Variants in KCND1 observed in about 807,000 individuals in gnomAD.
KCND1 encodes A-type voltage-gated potassium channel KCND1.
Under a neutral mutation model 31.8 loss-of-function variants are expected in KCND1, and 11 were observed. The ratio of observed to expected loss-of-function variants is 0.35; its 90% CI spans 0.22 to 0.57. The LOEUF (loss-of-function observed/expected upper bound fraction) is 0.57. Among genes scored for constraint, KCND1 ranks in the 20% least tolerant of loss-of-function variants. The pLI, the probability that KCND1 is intolerant of heterozygous loss-of-function variation, is 0.85. For synonymous variants in KCND1, 234 were observed against 248.1 expected (o/e 0.94, Z 0.53); for missense variants, 471 against 596.8 (o/e 0.79, Z 2.20).
At position 48,966,489 on chromosome X, in the gene KCND1, G is replaced by T. The variant is rs781854422; in HGVS notation, c.1467+89C>A. ...AAGCTCTGTGTGATTTCCACAATTT[G>T]TAGTGAGCCTCCCATCCAAGGGAGA... is the stretch of plus-strand genomic sequence containing the variant. On this transcript the variant is annotated intron_variant, in intron 4 of 5. Transcript: ENST00000218176. 88 of 1,020,599 alleles carry T rather than the reference G, an allele frequency of 8.6e-5. No individual in the cohort carries two copies. The South Asian group carries it at 1.8e-3, about 21-fold the overall frequency. The allele number at this position is 1,020,599 out of a possible 1,213,427, so 84.1% of individuals were successfully genotyped here.
intron 5 of KCND1, among the ~76,000 whole-genome samples, chrX:48,964,761 C>T (rs782314248): frequency 3.9e-5 from 4 of 103,264 alleles, no homozygotes; most frequent in Non-Finnish European, 3.9e-5. Context: ...CGGTGGCTCA[C>T]GCCTGTAATC....
intron 1 of KCND1, chrX:48,968,474 T>A (rs1303290974): frequency 8.9e-6 from 1 of 111,881 alleles, no homozygotes; most frequent in Non-Finnish European, 1.9e-5. Flanking sequence ...AAAAAGGTGC[T>A]AGAAAGCCAA....
rs2064325886 is a variant in KCND1, at chrX:48,962,448, C to T, written c.*133G>A. On this transcript the variant is annotated 3_prime_UTR_variant, in exon 6 of 6. Coordinates refer to ENST00000218176, the MANE Select transcript of KCND1 (RefSeq NM_004979.6). ...CCACTATGTGGACCATTTCATGAAA[C>T]TCCATTGCATAGTTCTCAGTGGGGG... 6 of 459,472 alleles carry T rather than the reference C, an allele frequency of 1.3e-5. No individual in the cohort carries two copies. Among genetic ancestry groups the T allele is most frequent in the Non-Finnish European group, 2.3e-5 (6 of 265,237 alleles). The allele number at this position is 459,472 out of a possible 1,213,427, so 37.9% of individuals were successfully genotyped here.
chrX:48,970,218 G>A lies in KCND1; in HGVS notation c.54C>T (p.Gly18=). 1.7e-6 allele frequency: 2 copies of A among 1,205,484 alleles called. No individual in the cohort carries two copies. Among genetic ancestry groups the A allele is most frequent in the Non-Finnish European group, 2.2e-6 (2 of 892,359 alleles). Reference sequence around the variant, plus strand: ...GGGGTTGCTGGGCCAGGGGCAGCCAGCCCACTGCTGCTGCCCGAGCAAAAG... The same window carrying A: ...GGGGTTGCTGGGCCAGGGGCAGCCAACCCACTGCTGCTGCCCGAGCAAAAG... ...WLPFARAAAV[G]WLPLAQQPLP... is the part of the protein sequence containing the mutation. The change falls in exon 1 of 6, where the codon GGC becomes GGT. Residue 18 remains glycine (G), a synonymous_variant. Transcript: ENST00000218176.
In KCND1 at chrX:48,966,132, G is replaced by A; in HGVS notation, c.1641C>T (p.Ser547=). 1.7e-6 allele frequency: 2 copies of A among 1,210,996 alleles called. No individual in the cohort carries two copies. The highest frequency in any genetic ancestry group is 3.5e-5 in the South Asian group (2 of 56,935). ...TGCTGCCACGGCTGACTGAGGCAGT[G>A]GAGTTGGCAAGGCGGATGGCGCGGC... The part of the protein sequence containing the change: ...AKRRAIRLAN[S]TASVSRGSMQ... The change falls in exon 5 of 6, where the codon TCC becomes TCT. Residue 547 remains serine (S), a synonymous_variant. Coordinates refer to ENST00000218176, the MANE Select transcript of KCND1 (RefSeq NM_004979.6).
intron 1 of KCND1, among the ~76,000 whole-genome samples, chrX:48,968,810 T>C (rs2064367220): frequency 8.9e-6 from 1 of 112,042 alleles, no homozygotes; most frequent in African/African-American, 3.2e-5. Flanking sequence ...TCCCGGCACT[T>C]TGGGCGGCCA....
rs782570848 is a variant in KCND1 at position 48,969,819 on chromosome X, C to T, written c.453G>A (p.Glu151=). 2 of 1,208,445 alleles carry T rather than the reference C, an allele frequency of 1.7e-6. No homozygotes were observed. The highest frequency in any genetic ancestry group is 3.5e-5 in the African/African-American group (2 of 57,542). Residue 151 remains glutamate, a synonymous_variant, in exon 1 of 6, where the codon GAG becomes GAA. Transcript: ENST00000218176. ...GGCCGTCCCCGGCCTGCTCTGCCTCCTCATCCTCTGCCAGGCGCTCGGCAT... is the reference window on the plus strand; with the variant it reads ...GGCCGTCCCCGGCCTGCTCTGCCTCTTCATCCTCTGCCAGGCGCTCGGCAT... The part of the protein sequence containing the change: ...KENAERLAED[E]EAEQAGDGPA...
rs200634375 is a variant in KCND1, at chrX:48,966,302, G to A, written c.1471C>T (p.His491Tyr). 1.7e-6 allele frequency: 2 copies of A among 1,178,104 alleles called. No individual in the cohort carries two copies. Among genetic ancestry groups the A allele is most frequent in the African/African-American group, 1.7e-5 (1 of 57,392 alleles). Residue 491 changes from histidine to tyrosine, a missense_variant, in exon 5 of 6, where the codon CAT becomes TAT. His to Tyr is a moderately conservative substitution (Grantham distance 83). This residue lies in a region of KCND1 where 185 missense variants were observed against 184.7 expected (regional missense o/e 1.00). Transcript: ENST00000218176. Reference sequence around the variant, plus strand: ...AAGGTGAGCTCATCTGTGAACTCATGGCACTATGGGCAGAAGGGAGGCAGG... The same window carrying A: ...AAGGTGAGCTCATCTGTGAACTCATAGCACTATGGGCAGAAGGGAGGCAGG... ...LLHCLEKTTCHEFTDELTFSE... is the reference protein window; with the variant it reads ...LLHCLEKTTCYEFTDELTFSE...
rs965834180 is a variant in KCND1, at chrX:48,967,636, G to C, written c.1122-530C>G. ...CCACCTCCCACAGAGACAGAGCAGAGCCAACCTTACTAACTTGTTCACAGA... is the reference window on the plus strand; with the variant it reads ...CCACCTCCCACAGAGACAGAGCAGACCCAACCTTACTAACTTGTTCACAGA... On this transcript the variant is annotated intron_variant, in intron 1 of 5. Coordinates refer to ENST00000218176, the MANE Select transcript of KCND1 (RefSeq NM_004979.6). The C allele has an allele frequency of 1.1e-4, 12 of 112,744 alleles. 1 individual carries two copies. The highest frequency in any genetic ancestry group is 1.0e-3 in the Admixed American group (11 of 11,054). The allele number at this position is 112,744 out of a possible 1,213,427, so 9.3% of individuals were successfully genotyped here. A position where few individuals can be genotyped will look rare whatever the true frequency, so the allele number is the denominator to read the frequency against.
Position 48,969,873 on chromosome X carries a change from A to G in KCND1, c.399T>C (p.Leu133=). 1.7e-6 allele frequency: 2 copies of G among 1,211,297 alleles called. No homozygotes were observed. The highest frequency in any genetic ancestry group is 3.5e-5 in the African/African-American group (2 of 57,833). The change falls in exon 1 of 6, where the codon CTT becomes CTC. Residue 133 remains leucine (L), a synonymous_variant. Coordinates refer to ENST00000218176, the MANE Select transcript of KCND1 (RefSeq NM_004979.6). ...CCTTCTTTCGGTCCCGATACTCTTC[A>G]AGGCAGCAGTCACCGACTAGCTCGG... ...LVPELVGDCC[L]EEYRDRKKEN...
chrX:48,970,265 C>T lies in KCND1; in HGVS notation c.7G>A (p.Ala3Thr), dbSNP rs868908982. The T allele has an allele frequency of 8.4e-7, 1 of 1,192,756 alleles. No homozygotes were observed. The highest frequency in any genetic ancestry group is 1.8e-5 in the African/African-American group (1 of 56,470). MA[A>T]GLATWLPFAR... The stretch of plus-strand genomic sequence containing the variant: ...AAAGGCAGCCACGTGGCCAGGCCTG[C>T]CGCCATCGTGCCACTCCCCAAGCCC... The change falls in exon 1 of 6, where the codon GCA (alanine) becomes ACA (threonine). Residue 3 changes from alanine (A) to threonine (T), a missense_variant. Transcript: ENST00000218176.
chrX:48,962,487 G>A lies in KCND1; in HGVS notation c.*94C>T, dbSNP rs782279040. On this transcript the variant is annotated 3_prime_UTR_variant, in exon 6 of 6. Coordinates refer to ENST00000218176, the MANE Select transcript of KCND1 (RefSeq NM_004979.6). ...TCTCAGTGGGGGGGGCAGAAGGGGT[G>A]CCCAAGCCTGCCCCTCTCTGCCTCC... 5.0e-6 allele frequency: 3 copies of A among 604,087 alleles called. No homozygotes were observed. The highest frequency in any genetic ancestry group is 3.6e-5 in the East Asian group (1 of 27,837). The allele number at this position is 604,087 out of a possible 1,213,427, so 49.8% of individuals were successfully genotyped here. A position where few individuals can be genotyped will look rare whatever the true frequency, so the allele number is the denominator to read the frequency against.
chrX:48,967,915 T>C (rs1466976440), intron 1 of KCND1: 1 of 111,815 alleles, frequency 8.9e-6, no homozygotes, highest in Non-Finnish European at 1.9e-5. Flanking sequence ...CTGTGATGTG[T>C]CATCTCAGAG....
In KCND1 at chrX:48,968,572, A is replaced by G. The variant is rs1487687019; in HGVS notation, c.1121+579T>C. Among the ~76,000 whole-genome samples the G allele has an allele frequency of 8.0e-5, 9 of 111,957 alleles. No individual in the cohort carries two copies. The Admixed American group carries it at 8.5e-4, about 11-fold the overall frequency. On this transcript the variant is annotated intron_variant, in intron 1 of 5. Coordinates refer to ENST00000218176, the MANE Select transcript of KCND1 (RefSeq NM_004979.6). ...CTCTCTAGATGATGAAGGGATCAGCATTTCCCATTTTACAGAGGGGAAAAC... is the reference window on the plus strand; with the variant it reads ...CTCTCTAGATGATGAAGGGATCAGCGTTTCCCATTTTACAGAGGGGAAAAC...
At chrX:48,966,505 C>A in intron 4 of KCND1, 73 bp downstream of exon 4, 1 of 1,056,147 alleles carries the variant, frequency 9.5e-7, no homozygotes, top group Non-Finnish European at 1.3e-6. Context: ...AGCCTCCCAT[C>A]CAAGGGAGAG....
rs1240900687 is a variant in KCND1 at position 48,971,745 on chromosome X, G to A, written c.-1474C>T. ...TCTCTCTCGGGGCGTCCTCACCTGTGTCCCCGCTGCAGGAGCAGCAACAGC... is the reference window on the plus strand; with the variant it reads ...TCTCTCTCGGGGCGTCCTCACCTGTATCCCCGCTGCAGGAGCAGCAACAGC... On this transcript the variant is annotated 5_prime_UTR_variant, in exon 1 of 6. Transcript: ENST00000218176. Among the ~76,000 whole-genome samples, 2 of 111,095 alleles carry A rather than the reference G, an allele frequency of 1.8e-5. No individual in the cohort carries two copies. The highest frequency in any genetic ancestry group is 3.8e-5 in the Non-Finnish European group (2 of 52,707).
At position 48,966,852 on chromosome X, in the gene KCND1, G is replaced by C. The variant is rs1557058106; in HGVS notation, c.1285-8C>G. The C allele has an allele frequency of 8.3e-7, 1 of 1,204,105 alleles. No individual in the cohort carries two copies. The highest frequency in any genetic ancestry group is 3.0e-5 in the East Asian group (1 of 33,691). On this transcript the variant is annotated splice_region_variant and splice_polypyrimidine_tract_variant and intron_variant, in intron 2 of 5. Transcript: ENST00000218176. Reference sequence around the variant, plus strand: ...CCTTGCCAAGCGCACCTTCTGCAGAGAGAGGAGATAAAAGGTCAGGTGGGT... The same window carrying C: ...CCTTGCCAAGCGCACCTTCTGCAGACAGAGGAGATAAAAGGTCAGGTGGGT...
In KCND1 at chrX:48,962,594, A is replaced by G. The variant is rs782785397; in HGVS notation, c.1931T>C (p.Ile644Thr). 8.3e-7 allele frequency: 1 copy of G among 1,204,046 alleles called. No homozygotes were observed. The highest frequency in any genetic ancestry group is 1.1e-6 in the Non-Finnish European group (1 of 890,243). The change falls in exon 6 of 6, where the codon ATC becomes ACC. Residue 644 changes from isoleucine to threonine, a missense_variant. Physicochemically the swap from Ile to Thr is moderately conservative, Grantham distance 89 (BLOSUM62 -1). Around this residue, in one of 3 missense-constraint regions of KCND1, gnomAD observed 185 missense variants for 184.7 expected, o/e 1.00. Transcript: ENST00000218176. ...CAGGCCTACCCCTCACAGGGATGAG[A>G]TCTTGACAGTCTCGGGGAAGAGGCA... ...TPCLFPETVK[I>T]SSL
chrX:48,969,490 C>T lies in KCND1; in HGVS notation c.782G>A (p.Arg261Gln), dbSNP rs1557058479. 3 of 1,209,911 alleles carry T rather than the reference C, an allele frequency of 2.5e-6. No homozygotes were observed. Among genetic ancestry groups the T allele is most frequent in the Non-Finnish European group, 3.4e-6 (3 of 894,992 alleles). The change falls in exon 1 of 6, where the codon CGG becomes CAG. Residue 261 changes from arginine to glutamine, a missense_variant. By Grantham distance (43) the Arg-to-Gln change is conservative. Transcript: ENST00000218176. Reference protein sequence around the residue: ...FAAPSRCRFLRSVMSLIDVVA... With the variant: ...FAAPSRCRFLQSVMSLIDVVA... ...CACGTCGATGAGGCTCATGACACTC[C>T]GCAGGAAGCGGCAACGGCTGGGGGC...
Sources: gnomAD v4.1 joint callset for allele counts (sites outside exome capture counted in the v4.1 genomes callset) on GRCh38, gnomAD v4.1.1 for gene constraint, gnomAD v4.1.1 regional missense constraint, MANE v1.5 for transcripts, NCBI Gene and HGNC (gene_info 2026-07-23, HGNC 2026-07-21) for gene names.